FHIT: variants seen among roughly 807,000 people sequenced by gnomAD.
The protein encoded by FHIT is bis(5'-adenosyl)-triphosphatase.
Under a neutral mutation model 17.9 loss-of-function variants are expected in FHIT, and 19 were observed. That is an observed-to-expected ratio of 1.06 (90% CI 0.74 to 1.56). FHIT has a LOEUF of 1.56. FHIT is among the 40% of genes most tolerant of loss of function. The probability of loss-of-function intolerance (pLI) is 0.00; values close to 1 mark genes in which losing one functional copy is unlikely to be tolerated. For synonymous variants in FHIT, 81 were observed against 69.7 expected (o/e 1.16, Z -0.81); for missense variants, 248 against 189.2 (o/e 1.31, Z -1.82).
At chr3:59,783,206 C>T (rs898697167) in intron 8 of FHIT, among the ~76,000 whole-genome samples, 5 of 152,222 alleles carry the variant, frequency 3.3e-5, no homozygotes, top group Admixed American at 6.5e-5. Flanking sequence ...CACAGTGGCT[C>T]ATGCCTGTAA....
intron 5 of FHIT, among the ~76,000 whole-genome samples, chr3:60,357,560 T>A (rs1350241039): frequency 6.6e-6 from 1 of 152,132 alleles, no homozygotes; most frequent in Non-Finnish European, 1.5e-5. Context: ...TCACTTTCAA[T>A]GGGTCCCAAC....
intron 5 of FHIT, among the ~76,000 whole-genome samples, chr3:60,476,370 C>A (rs923876046): frequency 2.6e-5 from 4 of 152,096 alleles, no homozygotes; most frequent in African/African-American, 7.2e-5. Flanking sequence ...GGGGAATAAA[C>A]GCAAACGTCC....
At chr3:59,901,368 G>C (rs1041422170) in intron 8 of FHIT, among the ~76,000 whole-genome samples, 2 of 152,098 alleles carry the variant, frequency 1.3e-5, no homozygotes, top group Admixed American at 1.3e-4. Flanking sequence ...TGCCAATCTC[G>C]GGAGAGGTAT....
At chr3:59,753,882 G>T (rs1701055170) in intron 8 of FHIT, among the ~76,000 whole-genome samples, 1 of 151,988 alleles carries the variant, frequency 6.6e-6, no homozygotes, top group Non-Finnish European at 1.5e-5. Flanking sequence ...TCATCCTGAG[G>T]GATCTACAGT....
chr3:61,018,493 C>A (rs1038584253), intron 3 of FHIT, among the ~76,000 whole-genome samples: 9 of 152,078 alleles, frequency 5.9e-5, no homozygotes, highest in Non-Finnish European at 1.3e-4. Context: ...TAAGTTTGAC[C>A]CCAAAAGGGA....
chr3:60,325,668 C>G (rs940635792), intron 5 of FHIT, among the ~76,000 whole-genome samples: 5 of 152,064 alleles, frequency 3.3e-5, no homozygotes, highest in African/African-American at 4.8e-5. Context: ...TTCTACAGTA[C>G]AAGACATTTC....
At chr3:60,435,331 A>T (rs116193573) in intron 5 of FHIT, among the ~76,000 whole-genome samples, 158 of 152,278 alleles carry the variant, frequency 1.0e-3, no homozygotes, top group Non-Finnish European at 1.9e-3. Context: ...CTTGATTTGT[A>T]AATGAAAAAT....
chr3:61,048,156 A>G (rs1292630470), intron 2 of FHIT, among the ~76,000 whole-genome samples: 1 of 152,188 alleles, frequency 6.6e-6, no homozygotes, highest in Non-Finnish European at 1.5e-5. Context: ...GCTTCTGCAC[A>G]GCAAAAGAAA....
At chr3:60,608,545 A>C (rs1162759833) in intron 4 of FHIT, among the ~76,000 whole-genome samples, 8 of 152,106 alleles carry the variant, frequency 5.3e-5, no homozygotes, top group African/African-American at 1.9e-4. Flanking sequence ...CCAGCTAATA[A>C]CGAAAGTTGA....
chr3:60,498,590 G>A (rs1186379338), intron 5 of FHIT, among the ~76,000 whole-genome samples: 1 of 151,948 alleles, frequency 6.6e-6, no homozygotes, highest in Non-Finnish European at 1.5e-5. Context: ...GATGTTATTC[G>A]ACAACCTAAT....
At chr3:59,833,033 A>T (rs1024909383) in intron 8 of FHIT, among the ~76,000 whole-genome samples, 1 of 152,204 alleles carries the variant, frequency 6.6e-6, no homozygotes, top group African/African-American at 2.4e-5. Context: ...ATACTGACTT[A>T]TATCAGGTCT....
chr3:60,366,908 A>T (rs1700127617), intron 5 of FHIT, among the ~76,000 whole-genome samples: 1 of 152,200 alleles, frequency 6.6e-6, no homozygotes, highest in Non-Finnish European at 1.5e-5. Context: ...CTTCCCATTA[A>T]ATCATTTTGT....
chr3:60,626,746 GA>G (rs1287521093), intron 4 of FHIT, among the ~76,000 whole-genome samples: 4 of 148,532 alleles, frequency 2.7e-5, no homozygotes, highest in Non-Finnish European at 5.9e-5. Context: ...GGCAAGAGGG[GA>G]TATCTGTGCC....
chr3:60,220,163 A>G lies in FHIT; in HGVS notation c.104-206011T>C, dbSNP rs1053553528. Among the ~76,000 whole-genome samples, 10 of 152,194 alleles carry G rather than the reference A, an allele frequency of 6.6e-5. 1 individual carries two copies. Among genetic ancestry groups the G allele is most frequent in the Non-Finnish European group, 1.5e-5 (1 of 68,032 alleles). On this transcript the variant is annotated intron_variant, in intron 5 of 9. Transcript: ENST00000492590. ...TAGATCCATATCAGAGACAAAGTGG[A>G]GGCCTCTAGTCCTAAATGGGCCTGA... is the stretch of plus-strand genomic sequence containing the variant.
At chr3:60,222,607 G>A (rs1309050043) in intron 5 of FHIT, among the ~76,000 whole-genome samples, 1 of 152,176 alleles carries the variant, frequency 6.6e-6, no homozygotes, top group Non-Finnish European at 1.5e-5. Context: ...TGGCCAACAT[G>A]ATGAAACCCC....
intron 3 of FHIT, among the ~76,000 whole-genome samples, chr3:61,014,315 A>T (rs930747969): frequency 6.6e-6 from 1 of 152,124 alleles, no homozygotes; most frequent in Non-Finnish European, 1.5e-5. Flanking sequence ...TCTGGCAAGC[A>T]TCACTATTTG....
At chr3:60,374,223 T>C (rs1700450600) in intron 5 of FHIT, among the ~76,000 whole-genome samples, 1 of 152,188 alleles carries the variant, frequency 6.6e-6, no homozygotes, top group South Asian at 2.1e-4. Context: ...AGTTTAATTA[T>C]AAACAATTCT....
At chr3:61,100,288 C>G (rs906185670) in intron 2 of FHIT, among the ~76,000 whole-genome samples, 3 of 152,100 alleles carry the variant, frequency 2.0e-5, no homozygotes, top group Non-Finnish European at 2.9e-5. Flanking sequence ...TCAATTCCCA[C>G]CTATGAGTGA....
intron 5 of FHIT, among the ~76,000 whole-genome samples, chr3:60,306,754 A>G (rs1708690338): frequency 6.6e-6 from 1 of 152,154 alleles, no homozygotes; most frequent in Non-Finnish European, 1.5e-5. Flanking sequence ...ACATTACATG[A>G]TTTTACAAAT....
Sources: allele counts gnomAD v4.1 joint callset (sites outside exome capture counted in the v4.1 genomes callset), GRCh38; gene constraint gnomAD v4.1.1; transcripts MANE v1.5; gene names NCBI Gene and HGNC (gene_info 2026-07-23, HGNC 2026-07-21).